The following EIF3E variants were observed in gnomAD, a reference collection of about 807,000 sequenced individuals.
EIF3E encodes the protein eukaryotic translation initiation factor 3 subunit E, also known as eIF-3 p48.
Under a neutral mutation model 59.3 loss-of-function variants are expected in EIF3E, and 25 were observed. The observed-to-expected ratio is 0.42, with a 90% confidence interval of 0.31 to 0.59. The LOEUF (loss-of-function observed/expected upper bound fraction) is 0.59, where lower values mean the gene tolerates loss of function less well. EIF3E is among the 20% of genes least tolerant of loss of function. The pLI is 0.15. For missense variants in EIF3E, 317 were observed against 534.3 expected, an observed-to-expected ratio of 0.59 and a Z score of 4.01; for synonymous variants, 176 against 170.2, an observed-to-expected ratio of 1.03 and a Z score of -0.26.
chr8:108,237,610 T>C (rs1282962667), intron 3 of EIF3E, among the ~76,000 whole-genome samples: 1 of 152,222 alleles, frequency 6.6e-6, no homozygotes, highest in Non-Finnish European at 1.5e-5. Flanking sequence ...TATGCTATAA[T>C]GTGTCTTTGG....
At chr8:108,203,954 AC>A (rs1039013145) in intron 10 of EIF3E, among the ~76,000 whole-genome samples, 64 of 152,282 alleles carry the variant, frequency 4.2e-4, no homozygotes, top group African/African-American at 1.3e-3. Context: ...AAAAAAGAAT[AC>A]AAAAATAATA....
At chr8:108,241,939 G>T in intron 1 of EIF3E, 26 bp from the exon 2 acceptor site, 2 of 1,467,424 alleles carry the variant, frequency 1.4e-6, no homozygotes, top group South Asian at 1.2e-5. Context: ...ACTTTCTAAT[G>T]AATATATTTA....
intron 10 of EIF3E, among the ~76,000 whole-genome samples, chr8:108,214,396 A>G (rs1815264806): frequency 6.6e-6 from 1 of 152,184 alleles, no homozygotes; most frequent in Non-Finnish European, 1.5e-5. Flanking sequence ...TAGTATTTTG[A>G]AAAATTATGC....
At chr8:108,243,168 CATG>C (rs989866537) in intron 1 of EIF3E, 3 of 152,164 alleles carry the variant, frequency 2.0e-5, no homozygotes, top group Admixed American at 6.5e-5. Context: ...ATCCTAAAAA[CATG>C]ATGACTCACA....
chr8:108,220,148 A>C (rs1815382659), intron 7 of EIF3E, among the ~76,000 whole-genome samples: 1 of 127,930 alleles, frequency 7.8e-6, no homozygotes, highest in Non-Finnish European at 1.8e-5. Flanking sequence ...CATCTCCCAA[A>C]AAAAAAAAAA....
chr8:108,236,744 G>A (rs1311237631), intron 3 of EIF3E, among the ~76,000 whole-genome samples: 1 of 152,138 alleles, frequency 6.6e-6, no homozygotes, highest in Non-Finnish European at 1.5e-5. Context: ...ATGCCTGGCC[G>A]GCCGCAGTGA....
In EIF3E at chr8:108,228,267, T is replaced by G; in HGVS notation, c.722A>C (p.Gln241Pro). 1.3e-6 allele frequency: 2 copies of G among 1,590,546 alleles called. No homozygotes were observed. The highest frequency in any genetic ancestry group is 8.5e-7 in the Non-Finnish European group (1 of 1,169,764). ...AAAATTACACAGTGAAATAACTTAC[T>G]GTGGCTGATAAAGGAAGAGGTCAAT... The part of the protein sequence containing the change: ...NIIDLFLYQP[Q>P]YLNAIQTMCP... Residue 241 changes from glutamine to proline, a missense_variant and splice_region_variant, in exon 7 of 13, where the codon CAA becomes CCA. Coordinates refer to ENST00000220849, the MANE Select transcript of EIF3E (RefSeq NM_001568.3).
At chr8:108,233,836 CAAAAAAAAAAAAAAA>C (rs35065360) in intron 5 of EIF3E, among the ~76,000 whole-genome samples, 20 of 74,034 alleles carry the variant, frequency 2.7e-4, no homozygotes, top group African/African-American at 1.1e-3. Context: ...GACCCTGTCT[CAAAAAAAAAAAAAAA>C]AAAAAAAAAA....
intron 7 of EIF3E, chr8:108,227,630 A>G (rs1448202900): frequency 6.6e-6 from 1 of 152,226 alleles, no homozygotes; most frequent in African/African-American, 2.4e-5. Context: ...ATTTAGCCTG[A>G]AGGAAGCAGA....
chr8:108,240,649 C>T (rs1815816893), intron 2 of EIF3E, among the ~76,000 whole-genome samples: 1 of 152,190 alleles, frequency 6.6e-6, no homozygotes, highest in Admixed American at 6.6e-5. Flanking sequence ...AAAACTTGCA[C>T]ATAACCAACT....
At chr8:108,216,076 T>C (rs1586195825) in intron 9 of EIF3E, among the ~76,000 whole-genome samples, 1 of 152,170 alleles carries the variant, frequency 6.6e-6, no homozygotes, top group Non-Finnish European at 1.5e-5. Context: ...ATTAAAAATA[T>C]TCATTCGAGA....
At chr8:108,205,224 C>G (rs930323300) in intron 10 of EIF3E, among the ~76,000 whole-genome samples, 9 of 152,158 alleles carry the variant, frequency 5.9e-5, no homozygotes, top group African/African-American at 1.9e-4. Flanking sequence ...TACTGAATAT[C>G]TGCTTCCAAG....
chr8:108,241,619 C>T (rs1383643850), intron 2 of EIF3E, among the ~76,000 whole-genome samples, 180 bp downstream of exon 2: 1 of 152,172 alleles, frequency 6.6e-6, no homozygotes, highest in African/African-American at 2.4e-5. Flanking sequence ...ACATCTTTCA[C>T]AGGGAGAAAA....
rs1360381799 is a variant in EIF3E, at chr8:108,240,017, T to C, written c.264A>G (p.Thr88=). 6.2e-7 allele frequency: 1 copy of C among 1,614,134 alleles called. No homozygotes were observed. The highest frequency in any genetic ancestry group is 1.1e-5 in the South Asian group (1 of 91,076). ...VAQLKQLQAE[T]EPIVKMFEDP... is the part of the protein sequence containing the mutation. Reference sequence around the variant, plus strand: ...CTTCAAACATCTTCACAATTGGTTCTGTTTCTGCCTGAAGCTGTTTCAGTT... The same window carrying C: ...CTTCAAACATCTTCACAATTGGTTCCGTTTCTGCCTGAAGCTGTTTCAGTT... Residue 88 remains threonine (T), a synonymous_variant, in exon 3 of 13, where the codon ACA becomes ACG. Transcript: ENST00000220849.
intron 1 of EIF3E, among the ~76,000 whole-genome samples, chr8:108,243,788 CAT>C (rs1815892735): frequency 6.6e-6 from 1 of 151,766 alleles, no homozygotes; most frequent in Non-Finnish European, 1.5e-5. Flanking sequence ...GAATGAACGT[CAT>C]ATCTGATAAA....
At chr8:108,238,480 T>C (rs1428370081) in intron 3 of EIF3E, among the ~76,000 whole-genome samples, 1 of 152,246 alleles carries the variant, frequency 6.6e-6, no homozygotes, top group Non-Finnish European at 1.5e-5. Context: ...GCAATGTAAA[T>C]ATCATATAGT....
intron 9 of EIF3E, 119 bp downstream of exon 9, chr8:108,216,293 A>G (rs1159695376): frequency 9.4e-6 from 7 of 742,092 alleles, no homozygotes; most frequent in Non-Finnish European, 1.5e-5. Flanking sequence ...TTTTAAGATT[A>G]ATAAGCATAT....
At chr8:108,210,613 A>G (rs1815187990) in intron 10 of EIF3E, among the ~76,000 whole-genome samples, 1 of 152,100 alleles carries the variant, frequency 6.6e-6, no homozygotes, top group Non-Finnish European at 1.5e-5. Flanking sequence ...TTCTATTATT[A>G]TAGTTTAAGT....
intron 7 of EIF3E, among the ~76,000 whole-genome samples, chr8:108,222,524 C>T (rs1319311264): frequency 1.3e-5 from 2 of 152,162 alleles, no homozygotes; most frequent in Non-Finnish European, 2.9e-5. Flanking sequence ...CAATTAAAAA[C>T]TTACTTCAAA....
Sources: gnomAD v4.1 joint callset for allele counts (sites outside exome capture counted in the v4.1 genomes callset) on GRCh38, gnomAD v4.1.1 for gene constraint, MANE v1.5 for transcripts, NCBI Gene and HGNC (gene_info 2026-07-23, HGNC 2026-07-21) for gene names.